Variants in PSEN2 observed in about 807,000 individuals in gnomAD.
PSEN2 encodes presenilin 2, also known as presenilin-2.
PSEN2 carries 32 observed loss-of-function variants against 49.1 expected under a neutral mutation model. That is an observed-to-expected ratio of 0.65 (90% CI 0.49 to 0.88). PSEN2 has a LOEUF of 0.88. Among genes scored for constraint, PSEN2 ranks in the 40% least tolerant of loss-of-function variants. The probability of loss-of-function intolerance (pLI) is 0.00; values close to 1 mark genes in which losing one functional copy is unlikely to be tolerated. For missense variants in PSEN2, 522 were observed against 586.9 expected, an observed-to-expected ratio of 0.89 and a Z score of 1.14; for synonymous variants, 255 against 244.0, an observed-to-expected ratio of 1.05 and a Z score of -0.42.
intron 3 of PSEN2, among the ~76,000 whole-genome samples, chr1:226,876,892 T>C (rs2102655457): frequency 6.6e-6 from 1 of 152,260 alleles, no homozygotes; most frequent in East Asian, 1.9e-4. Flanking sequence ...TTTTCCACAC[T>C]CTCCTCCGCA....
chr1:226,872,817 G>A (rs1012487121), intron 2 of PSEN2, among the ~76,000 whole-genome samples: 2 of 152,180 alleles, frequency 1.3e-5, no homozygotes, highest in African/African-American at 4.8e-5. Flanking sequence ...GAGGCCCCGA[G>A]AGGAACATTT....
intron 3 of PSEN2, among the ~76,000 whole-genome samples, chr1:226,876,212 C>T (rs1238504715): frequency 6.6e-6 from 1 of 152,148 alleles, no homozygotes; most frequent in African/African-American, 2.4e-5. Context: ...TGATTTTTCC[C>T]TCCAAGGATT....
chr1:226,897,237 A>G (rs1387248831), downstream of PSEN2, among the ~76,000 whole-genome samples: 2 of 152,234 alleles, frequency 1.3e-5, no homozygotes, highest in African/African-American at 2.4e-5. Context: ...TTTGGCAATT[A>G]TGGCAGTGTT....
chr1:226,881,869 C>G lies in PSEN2; in HGVS notation c.-20-19C>G. On this transcript the variant is annotated intron_variant, in intron 3 of 12. Coordinates refer to ENST00000366783, the MANE Select transcript of PSEN2 (RefSeq NM_000447.3). The stretch of plus-strand genomic sequence containing the variant: ...TCTCACAGGAAAGTGGAACAAGGTC[C>G]TTGTGCTCCTTTTTCCAGGTGCTTC... 6.2e-7 allele frequency: 1 copy of G among 1,614,218 alleles called. No individual in the cohort carries two copies. The highest frequency in any genetic ancestry group is 1.3e-5 in the African/African-American group (1 of 75,070).
chr1:226,891,059 T>TAG lies in PSEN2; in HGVS notation c.887-218_887-217dup, dbSNP rs201704349. The TAG allele has an allele frequency of 1.5e-4, 88 of 588,286 alleles. No homozygotes were observed. The East Asian group carries it at 2.3e-3, about 16-fold the overall frequency. 36.4% of individuals were successfully genotyped at this position (588,286 alleles called of 1,614,324 possible). ...TCTGATAGACCTGGTTCTTATGCTTTAGGAGGGGAGACAAACAGTAACAGA... is the reference window on the plus strand; with the variant it reads ...TCTGATAGACCTGGTTCTTATGCTTTAGAGGAGGGGAGACAAACAGTAACAGA... On this transcript the variant is annotated intron_variant, in intron 9 of 12. Coordinates refer to ENST00000366783, the MANE Select transcript of PSEN2 (RefSeq NM_000447.3).
rs1661731767 is a variant in PSEN2 at position 226,891,357 on chromosome 1, G to A, written c.966G>A (p.Glu322=). 1.9e-6 allele frequency: 3 copies of A among 1,611,936 alleles called. No homozygotes were observed. In the African/African-American group the frequency reaches 4.0e-5, roughly 22 times the overall value. ...CCCTCCAGCTCCCCTACGACCCGGAGATGGGTGAGTATCTTGGGGAGCTAA... is the reference window on the plus strand; with the variant it reads ...CCCTCCAGCTCCCCTACGACCCGGAAATGGGTGAGTATCTTGGGGAGCTAA... ...QGALQLPYDP[E]MEEDSYDSFG... Residue 322 remains glutamate, a synonymous_variant, in exon 10 of 13, where the codon GAG becomes GAA. Transcript: ENST00000366783.
intron 6 of PSEN2, among the ~76,000 whole-genome samples, chr1:226,887,248 G>A (rs1370820968): frequency 6.6e-6 from 1 of 152,202 alleles, no homozygotes; most frequent in African/African-American, 2.4e-5. Context: ...CAGCCAGGTG[G>A]TGGCTGGGAT....
rs772480664 is a variant in PSEN2 at position 226,888,121 on chromosome 1, C to G, written c.529C>G (p.Leu177Val). The change falls in exon 7 of 13, where the codon CTG (leucine) becomes GTG (valine). Residue 177 changes from leucine to valine, a missense_variant. By Grantham distance (32) the Leu-to-Val change is conservative. Coordinates refer to ENST00000366783, the MANE Select transcript of PSEN2 (RefSeq NM_000447.3). ...FIHGWLIMSS[L>V]MLLFLFTYIY... ...CCATGGCTGGTTGATCATGTCTTCA[C>G]TGATGCTGCTGTTCCTCTTCACCTA... 3.7e-6 allele frequency: 6 copies of G among 1,613,952 alleles called. No individual in the cohort carries two copies. In the Admixed American group the frequency reaches 1.0e-4, roughly 27 times the overall value.
intron 5 of PSEN2, 93 bp from the exon 6 acceptor site, chr1:226,885,445 G>A (rs959983144): frequency 6.8e-7 from 1 of 1,460,756 alleles, no homozygotes; most frequent in African/African-American, 1.4e-5. Flanking sequence ...GGCATCCCAG[G>A]CACCTCCCCT....
Position 226,888,061 on chromosome 1 carries a change from C to T in PSEN2, c.499-30C>T, listed in dbSNP as rs1298100964. 7 of 1,592,162 alleles carry T rather than the reference C, an allele frequency of 4.4e-6. No individual in the cohort carries two copies. In the South Asian group the frequency reaches 7.7e-5, roughly 18 times the overall value. On this transcript the variant is annotated intron_variant, in intron 6 of 12. Coordinates refer to ENST00000366783, the MANE Select transcript of PSEN2 (RefSeq NM_000447.3). ...TTAGAATTTGTGGCGCTTGGGGACA[C>T]CTTGTGATCGTGCAATTTCTGTTGT...
intron 8 of PSEN2, among the ~76,000 whole-genome samples, chr1:226,889,832 T>G (rs1661619176): frequency 1.3e-5 from 2 of 152,228 alleles, no homozygotes; most frequent in Non-Finnish European, 2.9e-5. Context: ...AGCTCCTCCA[T>G]GCTTGCAGTT....
At chr1:226,902,909 G>C (rs145747167) in intron 12 of PSEN2, among the ~76,000 whole-genome samples, 1 of 152,168 alleles carries the variant, frequency 6.6e-6, no homozygotes, top group African/African-American at 2.4e-5. Flanking sequence ...CAGTACTCCA[G>C]AGCCTACTCG....
In PSEN2 at chr1:226,891,268, C is replaced by T. The variant is rs767127577; in HGVS notation, c.887-10C>T. 18 of 1,613,036 alleles carry T rather than the reference C, an allele frequency of 1.1e-5. No homozygotes were observed. The South Asian group carries it at 1.7e-4, about 15-fold the overall frequency. ...ACCGCCTGAGATGTGAACCTTTTCT[C>T]CTCCCCCAGCTGCCATGGTGTGGAC... On this transcript the variant is annotated splice_polypyrimidine_tract_variant and intron_variant, in intron 9 of 12. Coordinates refer to ENST00000366783, the MANE Select transcript of PSEN2 (RefSeq NM_000447.3).
At chr1:226,881,446 A>G (rs1307514927) in intron 3 of PSEN2, among the ~76,000 whole-genome samples, 1 of 152,194 alleles carries the variant, frequency 6.6e-6, no homozygotes, top group African/African-American at 2.4e-5. Flanking sequence ...TTCTGCACCT[A>G]CCATCAAACA....
In PSEN2 at chr1:226,882,098, T is replaced by C. The variant is rs1306113406; in HGVS notation, c.141+50T>C. ...CCTTCAAACAGGTCCCTGCGGCTAC[T>C]GTACCTTACAGATGAAAACCAGACA... On this transcript the variant is annotated intron_variant, in intron 4 of 12. Coordinates refer to ENST00000366783, the MANE Select transcript of PSEN2 (RefSeq NM_000447.3). The C allele has an allele frequency of 6.2e-6, 10 of 1,605,946 alleles. No homozygotes were observed. The South Asian group carries it at 8.8e-5, about 14-fold the overall frequency.
intron 2 of PSEN2, among the ~76,000 whole-genome samples, chr1:226,871,811 T>C (rs1191577568): frequency 6.6e-6 from 1 of 152,194 alleles, no homozygotes; most frequent in African/African-American, 2.4e-5. Flanking sequence ...GAGCCTCAGG[T>C]TCTTCTCTCC....
chr1:226,888,733 A>T, intron 7 of PSEN2, 96 bp from the exon 8 acceptor site: 1 of 1,054,976 alleles, frequency 9.5e-7, no homozygotes, highest in Non-Finnish European at 1.5e-6. Flanking sequence ...AGGAAATGTT[A>T]GTAAAGAGGG....
chr1:226,895,796 G>A lies in PSEN2; in HGVS notation c.*217G>A, dbSNP rs199791100. 1.8e-5 allele frequency: 11 copies of A among 597,004 alleles called. No individual in the cohort carries two copies. Among genetic ancestry groups the A allele is most frequent in the African/African-American group, 7.9e-5 (4 of 50,816 alleles). The allele number at this position is 597,004 out of a possible 1,614,324, so 37.0% of individuals were successfully genotyped here. A position where few individuals can be genotyped will look rare whatever the true frequency, so the allele number is the denominator to read the frequency against. On this transcript the variant is annotated 3_prime_UTR_variant, in exon 13 of 13. Coordinates refer to ENST00000366783, the MANE Select transcript of PSEN2 (RefSeq NM_000447.3). ...CGCTTTGGGGAGCGCCTCGCTTCAC[G>A]GACAGGAAGCACAGCAGGTTTATCC...
intron 8 of PSEN2, 93 bp from the exon 9 acceptor site, chr1:226,889,942 A>C: frequency 2.0e-6 from 2 of 987,720 alleles, no homozygotes; most frequent in Non-Finnish European, 3.3e-6. Flanking sequence ...GCATGCTCTG[A>C]GAGCTCCACC....
Sources: allele counts gnomAD v4.1 joint callset (sites outside exome capture counted in the v4.1 genomes callset), GRCh38; gene constraint gnomAD v4.1.1; transcripts MANE v1.5; gene names NCBI Gene and HGNC (gene_info 2026-07-23, HGNC 2026-07-21).